Variants in ECPAS observed in about 807,000 individuals in gnomAD.
ECPAS encodes the protein Ecm29 proteasome adaptor and scaffold.
Under a neutral mutation model 255.1 loss-of-function variants are expected in ECPAS, and 70 were observed. The ratio of observed to expected loss-of-function variants is 0.27; its 90% CI spans 0.23 to 0.33. The LOEUF is 0.33. Among genes scored for constraint, ECPAS ranks in the 10% least tolerant of loss-of-function variants. The pLI, the probability that ECPAS is intolerant of heterozygous loss-of-function variation, is 1.00. For missense variants in ECPAS, 1,817 were observed against 2,206.4 expected (o/e 0.82, Z 3.54); for synonymous variants, 784 against 775.0 (o/e 1.01, Z -0.19).
chr9:111,458,691 A>G lies in ECPAS; in HGVS notation c.23-7136T>C, dbSNP rs140654782. Among the ~76,000 whole-genome samples the G allele has an allele frequency of 1.4e-4, 22 of 152,100 alleles. No homozygotes were observed. In the East Asian group the frequency reaches 3.7e-3, roughly 25 times the overall value. On this transcript the variant is annotated intron_variant, in intron 2 of 49. Transcript: ENST00000684092. ...ATTGAGTCACATGGGCAATGATCCA[A>G]TCAATCAATCACACCTGGTCAATAA...
At chr9:111,466,951 C>T (rs1164354095) in intron 2 of ECPAS, among the ~76,000 whole-genome samples, 2 of 152,198 alleles carry the variant, frequency 1.3e-5, no homozygotes, top group Non-Finnish European at 1.5e-5. Flanking sequence ...TCTTATTCGC[C>T]TGTCTTTAGT....
At chr9:111,410,665 C>T (rs892265906) in intron 22 of ECPAS, among the ~76,000 whole-genome samples, 9 of 151,972 alleles carry the variant, frequency 5.9e-5, no homozygotes, top group Non-Finnish European at 8.8e-5. Context: ...TACAGGTACA[C>T]GCCACCATAC....
At chr9:111,422,317 T>C in intron 13 of ECPAS, 117 bp from the exon 14 acceptor site, 8 of 1,116,478 alleles carry the variant, frequency 7.2e-6, no homozygotes, top group Non-Finnish European at 1.0e-5. Context: ...TCAGCATCAT[T>C]ACCCGCTCTG....
At chr9:111,427,171 A>AAC (rs1554792107) in intron 10 of ECPAS, among the ~76,000 whole-genome samples, 7 of 151,498 alleles carry the variant, frequency 4.6e-5, no homozygotes, top group South Asian at 2.1e-4. Context: ...AAAAAAAAAA[A>AAC]AAGCAATGAA....
intron 2 of ECPAS, among the ~76,000 whole-genome samples, chr9:111,458,139 C>T (rs944091875): frequency 6.6e-6 from 1 of 152,114 alleles, no homozygotes; most frequent in Non-Finnish European, 1.5e-5. Context: ...GAAAGCCCAA[C>T]TAATGATTCT....
At chr9:111,373,544 T>C (rs1193824897) in intron 39 of ECPAS, 138 bp from the exon 40 acceptor site, 5 of 674,756 alleles carry the variant, frequency 7.4e-6, no homozygotes, top group Middle Eastern at 2.5e-4. Context: ...GATGTTATAT[T>C]TATATATCCA....
Position 111,472,893 on chromosome 9 carries a change from T to A in ECPAS, c.22+4A>T. 1 of 1,176,472 alleles carries A rather than the reference T, an allele frequency of 8.5e-7. No homozygotes were observed. Among genetic ancestry groups the A allele is most frequent in the Non-Finnish European group, 1.1e-6 (1 of 905,070 alleles). The allele number at this position is 1,176,472 out of a possible 1,614,324, so 72.9% of individuals were successfully genotyped here. ...ACACATCCTAAGGAACTAAATCTAC[T>A]AACCTCTACAATCAATGTGATACAT... On this transcript the variant is annotated splice_donor_region_variant and intron_variant, in intron 2 of 49. Transcript: ENST00000684092.
intron 24 of ECPAS, among the ~76,000 whole-genome samples, chr9:111,399,918 A>T (rs1216240098): frequency 6.6e-6 from 1 of 152,280 alleles, no homozygotes; most frequent in Non-Finnish European, 1.5e-5. Context: ...AGGTGGCCAC[A>T]GGCCTTGGGT....
intron 49 of ECPAS, 97 bp downstream of exon 49, chr9:111,363,490 TA>T (rs1437183988): frequency 8.8e-6 from 6 of 678,724 alleles, no homozygotes; most frequent in Admixed American, 2.7e-5. Context: ...TATTTCAGAG[TA>T]TATGCTTAAG....
intron 46 of ECPAS, among the ~76,000 whole-genome samples, chr9:111,367,211 C>T (rs1158845497): frequency 6.6e-6 from 1 of 152,096 alleles, no homozygotes; most frequent in Non-Finnish European, 1.5e-5. Flanking sequence ...TTTTTAATTA[C>T]TGTAGGATTT....
At chr9:111,421,407 ATATGTG>A (rs1335648565) in intron 15 of ECPAS, among the ~76,000 whole-genome samples, 5 of 127,354 alleles carry the variant, frequency 3.9e-5, no homozygotes, top group Non-Finnish European at 6.5e-5. Flanking sequence ...CATATTACAT[ATATGTG>A]TGTGTGTGTG....
At chr9:111,471,721 T>C (rs2098288486) in intron 2 of ECPAS, among the ~76,000 whole-genome samples, 1 of 152,184 alleles carries the variant, frequency 6.6e-6, no homozygotes, top group African/African-American at 2.4e-5. Flanking sequence ...ATTAAATGGC[T>C]TTTCTCAAAA....
intron 35 of ECPAS, among the ~76,000 whole-genome samples, chr9:111,382,317 T>G (rs2098141642): frequency 1.4e-5 from 2 of 142,840 alleles, no homozygotes; most frequent in Admixed American, 1.5e-4. Context: ...CAGGCTGGAG[T>G]GCAATGGCGC....
At chr9:111,390,122 G>A (rs1175934556) in intron 29 of ECPAS, 21 bp from the exon 30 acceptor site, 4 of 1,433,306 alleles carry the variant, frequency 2.8e-6, no homozygotes, top group South Asian at 2.5e-5. Flanking sequence ...AAGAAAAAGA[G>A]GTAGGCAATA....
chr9:111,439,422 T>C (rs892698902), intron 6 of ECPAS, among the ~76,000 whole-genome samples: 1 of 151,940 alleles, frequency 6.6e-6, no homozygotes, highest in African/African-American at 2.4e-5. Flanking sequence ...GTGCATGCCA[T>C]GAGGGCTGAC....
Position 111,418,959 on chromosome 9 carries a change from A to C in ECPAS, c.1560-953T>G, listed in dbSNP as rs2131776104. On this transcript the variant is annotated intron_variant, in intron 16 of 49. Coordinates refer to ENST00000684092, the MANE Select transcript of ECPAS (RefSeq NM_001364929.1). ...TGAAATGTGCTCTATGAGAAGCAGC[A>C]GCCAAGATCAGAAGTCAAAAACCAG... Among the ~76,000 whole-genome samples the C allele has an allele frequency of 2.0e-5, 3 of 152,366 alleles. No individual in the cohort carries two copies. The South Asian group carries it at 6.2e-4, about 32-fold the overall frequency.
At chr9:111,408,784 C>T (rs181167830) in intron 23 of ECPAS, 112 bp from the exon 24 acceptor site, 9 of 529,108 alleles carry the variant, frequency 1.7e-5, no homozygotes, top group African/African-American at 9.8e-5. Flanking sequence ...AACACATCAA[C>T]GCAAAAGTTT....
chr9:111,414,606 C>A lies in ECPAS; in HGVS notation c.1810G>T (p.Val604Leu), dbSNP rs775855644. The change falls in exon 19 of 50, where the codon GTG (valine) becomes TTG (leucine). Residue 604 changes from valine to leucine, a missense_variant. This residue lies in a region of ECPAS where 573 missense variants were observed against 716.2 expected (regional missense o/e 0.80). Transcript: ENST00000684092. ...TCAGCCAAACTCTGAGAGGTGGGCACCACCCCCGCACTGTGCGCAAGGCAC... is the reference window on the plus strand; with the variant it reads ...TCAGCCAAACTCTGAGAGGTGGGCAACACCCCCGCACTGTGCGCAAGGCAC... The part of the protein sequence containing the change: ...RMCLAHSAGV[V>L]PTSQSLADMQ... The A allele has an allele frequency of 1.2e-6, 2 of 1,613,882 alleles. No homozygotes were observed. Among genetic ancestry groups the A allele is most frequent in the South Asian group, 2.2e-5 (2 of 91,078 alleles).
At chr9:111,363,487 G>A in intron 49 of ECPAS, 101 bp downstream of exon 49, 1 of 656,200 alleles carries the variant, frequency 1.5e-6, no homozygotes, top group South Asian at 1.8e-5. Context: ...TTGTATTTCA[G>A]AGTATATGCT....
Sources: gnomAD v4.1 joint callset for allele counts (sites outside exome capture counted in the v4.1 genomes callset) on GRCh38, gnomAD v4.1.1 for gene constraint, gnomAD v4.1.1 regional missense constraint, MANE v1.5 for transcripts, NCBI Gene and HGNC (gene_info 2026-07-23, HGNC 2026-07-21) for gene names.